Variants in TRAPPC12 observed in about 807,000 individuals in gnomAD.
TRAPPC12 encodes the protein trafficking protein particle complex subunit 12, also known as TPR repeat protein 15.
A neutral mutation model predicts 69.2 loss-of-function variants in TRAPPC12; 61 were observed. That is an observed-to-expected ratio of 0.88 (90% CI 0.72 to 1.09). TRAPPC12 has a LOEUF of 1.09. TRAPPC12 is among the 50% of genes least tolerant of loss of function. TRAPPC12 has a pLI of 0.00. For missense variants in TRAPPC12, 1,101 were observed against 1,016.4 expected (o/e 1.08, Z -1.13); for synonymous variants, 469 against 438.9 (o/e 1.07, Z -0.86).
intron 8 of TRAPPC12, 32 bp downstream of exon 8, chr2:3,460,368 G>T: frequency 1.2e-6 from 1 of 861,624 alleles, no homozygotes. Flanking sequence ...GCTGCCATGT[G>T]ATCTGGAAGA....
intron 5 of TRAPPC12, among the ~76,000 whole-genome samples, chr2:3,427,069 G>A (rs950870661): frequency 6.6e-6 from 1 of 152,230 alleles, no homozygotes; most frequent in Non-Finnish European, 1.5e-5. Flanking sequence ...TAAAGGCATT[G>A]TTAATTGGGG....
intron 3 of TRAPPC12, among the ~76,000 whole-genome samples, chr2:3,419,634 C>T (rs1054857795): frequency 7.0e-6 from 1 of 143,434 alleles, no homozygotes; most frequent in Non-Finnish European, 1.5e-5. Flanking sequence ...CTCTGGTGTC[C>T]TCATTTCCAA....
intron 5 of TRAPPC12, among the ~76,000 whole-genome samples, chr2:3,436,470 C>T (rs62120507): frequency 0.15 from 23,402 of 151,748 alleles, 2,061 homozygotes; most frequent in Non-Finnish European, 0.2. Context: ...TTCTATATAC[C>T]CTCTTTTCTT....
chr2:3,387,437 T>C (rs1660543453), intron 1 of TRAPPC12, among the ~76,000 whole-genome samples, 183 bp from the exon 2 acceptor site: 1 of 152,252 alleles, frequency 6.6e-6, no homozygotes, highest in Non-Finnish European at 1.5e-5. Flanking sequence ...AATGTAGATG[T>C]ACTTAACACT....
chr2:3,400,036 G>T (rs1407103869), intron 2 of TRAPPC12, among the ~76,000 whole-genome samples: 1 of 152,190 alleles, frequency 6.6e-6, no homozygotes, highest in Non-Finnish European at 1.5e-5. Flanking sequence ...CCCATCTTGG[G>T]GTTGTCCTAG....
intron 6 of TRAPPC12, among the ~76,000 whole-genome samples, chr2:3,446,445 C>T (rs1664511827): frequency 6.6e-6 from 1 of 152,234 alleles, no homozygotes; most frequent in South Asian, 2.1e-4. Flanking sequence ...CACTGTGGCA[C>T]AGCTGGTGGA....
chr2:3,465,898 G>A (rs1572203367), intron 9 of TRAPPC12: 1 of 584,356 alleles, frequency 1.7e-6, no homozygotes, highest in Non-Finnish European at 3.1e-6. Context: ...TTTTGTGCCT[G>A]TTGCTAAATG....
intron 6 of TRAPPC12, among the ~76,000 whole-genome samples, chr2:3,453,184 A>G (rs1456283845): frequency 6.6e-6 from 1 of 152,130 alleles, no homozygotes; most frequent in East Asian, 1.9e-4. Flanking sequence ...CAAACAGAAT[A>G]CTGTTTGTGC....
At chr2:3,424,733 A>T in intron 5 of TRAPPC12, 70 bp downstream of exon 5, 1 of 1,456,082 alleles carries the variant, frequency 6.9e-7, no homozygotes, top group East Asian at 2.5e-5. Context: ...ATTTATACAT[A>T]ATTTCGTAGC....
chr2:3,463,266 A>T (rs1228205490), intron 8 of TRAPPC12, among the ~76,000 whole-genome samples: 1 of 152,018 alleles, frequency 6.6e-6, no homozygotes, highest in Non-Finnish European at 1.5e-5. Flanking sequence ...TGTATTGACG[A>T]TGGGCCCCCT....
chr2:3,474,313 A>G (rs1213222680), intron 9 of TRAPPC12, among the ~76,000 whole-genome samples: 2 of 152,228 alleles, frequency 1.3e-5, no homozygotes, highest in Non-Finnish European at 2.9e-5. Context: ...AACCTCGGCA[A>G]GTCTGCTCTT....
At chr2:3,455,196 C>G (rs1665079197) in intron 6 of TRAPPC12, 1 of 152,248 alleles carries the variant, frequency 6.6e-6, no homozygotes, top group African/African-American at 2.4e-5. Context: ...TCCCTCTACA[C>G]TAGCCTAAGG....
chr2:3,449,702 C>T (rs192514098), intron 6 of TRAPPC12, among the ~76,000 whole-genome samples: 1 of 152,140 alleles, frequency 6.6e-6, no homozygotes, highest in South Asian at 2.1e-4. Context: ...CGTGGCTGGC[C>T]TCTAACACTG....
intron 6 of TRAPPC12, among the ~76,000 whole-genome samples, chr2:3,444,680 C>A (rs892403424): frequency 6.6e-6 from 1 of 152,148 alleles, no homozygotes; most frequent in Non-Finnish European, 1.5e-5. Flanking sequence ...TTGTCAGATT[C>A]CTCCTTTCAC....
chr2:3,394,985 C>G (rs141792452), intron 2 of TRAPPC12, among the ~76,000 whole-genome samples: 2 of 152,254 alleles, frequency 1.3e-5, no homozygotes, highest in African/African-American at 2.4e-5. Context: ...GTTGGGAAAG[C>G]ATATTTGAGT....
chr2:3,448,488 T>C (rs1457467509), intron 6 of TRAPPC12, among the ~76,000 whole-genome samples: 2 of 152,134 alleles, frequency 1.3e-5, no homozygotes, highest in Non-Finnish European at 2.9e-5. Flanking sequence ...TTCCAGTGGG[T>C]GAGGAGAGTC....
chr2:3,385,408 A>G (rs1424739131), intron 1 of TRAPPC12, among the ~76,000 whole-genome samples: 4 of 152,056 alleles, frequency 2.6e-5, no homozygotes. Context: ...CCATTTTATC[A>G]GTTCTCCTTA....
rs191111336 is a variant in TRAPPC12, at chr2:3,448,558, T to G, written c.1530+4667T>G. 3.0e-3 allele frequency among the ~76,000 whole-genome samples: 458 copies of G among 151,270 alleles called. 11 individuals carry two copies. Among genetic ancestry groups the G allele is most frequent in the African/African-American group, 0.011 (431 of 40,792 alleles). ...AACATGATTTCCTTTGGTGCCGTTT[T>G]CCATTAGCTCCTCCTCCCGCAGGGC... On this transcript the variant is annotated intron_variant, in intron 6 of 11. Transcript: ENST00000324266.
At chr2:3,409,402 A>C (rs1661913336) in intron 3 of TRAPPC12, among the ~76,000 whole-genome samples, 1 of 152,164 alleles carries the variant, frequency 6.6e-6, no homozygotes, top group Non-Finnish European at 1.5e-5. Context: ...ATGGTAAATA[A>C]TGTGTTTTCT....
Sources: allele counts gnomAD v4.1 joint callset (sites outside exome capture counted in the v4.1 genomes callset), GRCh38; gene constraint gnomAD v4.1.1; transcripts MANE v1.5; gene names NCBI Gene and HGNC (gene_info 2026-07-23, HGNC 2026-07-21).